The following SLC35F1 variants were observed in gnomAD, a reference collection of about 807,000 sequenced individuals.
SLC35F1 encodes chromosome 6 open reading frame 169.
Under a neutral mutation model 48.7 loss-of-function variants are expected in SLC35F1, and 14 were observed. The ratio of observed to expected loss-of-function variants is 0.29; its 90% confidence interval spans 0.19 to 0.45. SLC35F1 has a LOEUF of 0.45. SLC35F1 is among the 20% of genes least tolerant of loss of function. SLC35F1 has a pLI of 1.00. For synonymous variants in SLC35F1, 190 were observed against 202.2 expected (o/e 0.94, Z 0.51); for missense variants, 404 against 500.0 (o/e 0.81, Z 1.83).
At chr6:118,289,456 A>G (rs1036111999) in intron 7 of SLC35F1, among the ~76,000 whole-genome samples, 2 of 152,220 alleles carry the variant, frequency 1.3e-5, no homozygotes, top group African/African-American at 4.8e-5. Context: ...CTTTTATTAC[A>G]AAGCAATATA....
intron 5 of SLC35F1, among the ~76,000 whole-genome samples, chr6:118,276,186 A>G (rs889630020): frequency 2.0e-5 from 3 of 152,228 alleles, no homozygotes; most frequent in African/African-American, 7.2e-5. Context: ...TTTTGCAATA[A>G]TTCTACAACT....
chr6:118,090,161 G>A (rs1773052100), intron 1 of SLC35F1, among the ~76,000 whole-genome samples: 1 of 152,166 alleles, frequency 6.6e-6, no homozygotes, highest in African/African-American at 2.4e-5. Flanking sequence ...ACACCTCAAG[G>A]TGGGTTATAA....
intron 1 of SLC35F1, among the ~76,000 whole-genome samples, chr6:117,956,559 G>A (rs151068995): frequency 1.2e-4 from 18 of 152,334 alleles, no homozygotes; most frequent in African/African-American, 4.3e-4. Flanking sequence ...GATAAAACTC[G>A]AGGTTGAAAG....
chr6:118,061,584 G>GTATATATATA (rs1358869588), intron 1 of SLC35F1, among the ~76,000 whole-genome samples: 26 of 87,378 alleles, frequency 3.0e-4, no homozygotes, highest in African/African-American at 9.4e-4. Flanking sequence ...GTGTGTGTGT[G>GTATATATATA]TGTGTGTATA....
intron 1 of SLC35F1, among the ~76,000 whole-genome samples, chr6:118,108,981 A>G (rs1319038578): frequency 6.6e-6 from 1 of 152,154 alleles, no homozygotes; most frequent in Admixed American, 6.5e-5. Context: ...GTAAATTATA[A>G]CAGTTTCTAG....
intron 2 of SLC35F1, among the ~76,000 whole-genome samples, chr6:118,185,335 A>C (rs1206456444): frequency 6.6e-6 from 1 of 152,216 alleles, no homozygotes. Context: ...TTGGGAAAAT[A>C]AAAGCCAGAA....
intron 7 of SLC35F1, among the ~76,000 whole-genome samples, chr6:118,296,461 A>G (rs145823667): frequency 2.0e-4 from 30 of 152,320 alleles, no homozygotes; most frequent in African/African-American, 7.0e-4. Context: ...AATGTGGTCA[A>G]TCTATGCAGG....
At chr6:118,066,776 C>T (rs1582646890) in intron 1 of SLC35F1, among the ~76,000 whole-genome samples, 2 of 140,934 alleles carry the variant, frequency 1.4e-5, no homozygotes, top group African/African-American at 2.6e-5. Context: ...GACAGAGTCT[C>T]GCTCTGTCAC....
intron 2 of SLC35F1, among the ~76,000 whole-genome samples, chr6:118,227,281 C>T (rs1775231131): frequency 6.6e-6 from 1 of 152,142 alleles, no homozygotes; most frequent in Admixed American, 6.5e-5. Flanking sequence ...GAGCAAGAAC[C>T]GGCACATGTA....
chr6:118,199,048 C>A (rs1277581864), intron 2 of SLC35F1, among the ~76,000 whole-genome samples: 1 of 152,150 alleles, frequency 6.6e-6, no homozygotes, highest in Non-Finnish European at 1.5e-5. Flanking sequence ...TACACACACT[C>A]CATTTCTCAC....
intron 1 of SLC35F1, among the ~76,000 whole-genome samples, chr6:118,118,581 C>A (rs1347154263): frequency 6.6e-6 from 1 of 152,154 alleles, no homozygotes; most frequent in Non-Finnish European, 1.5e-5. Context: ...TTTTCACATG[C>A]TTCATGCCCA....
intron 3 of SLC35F1, among the ~76,000 whole-genome samples, chr6:118,262,365 G>A (rs1775723652): frequency 6.6e-6 from 1 of 152,100 alleles, no homozygotes; most frequent in Admixed American, 6.6e-5. Context: ...AAGGCACAGT[G>A]ATAAGATGGT....
At chr6:118,309,673 G>A (rs1227831725) in intron 7 of SLC35F1, among the ~76,000 whole-genome samples, 1 of 152,146 alleles carries the variant, frequency 6.6e-6, no homozygotes, top group Non-Finnish European at 1.5e-5. Context: ...TACTTGTATA[G>A]ATTTAAGTCC....
intron 2 of SLC35F1, among the ~76,000 whole-genome samples, chr6:118,230,149 G>A (rs1478726145): frequency 6.6e-6 from 1 of 152,074 alleles, no homozygotes; most frequent in African/African-American, 2.4e-5. Flanking sequence ...AGACTATCCT[G>A]GCCAACATGG....
At chr6:118,158,307 T>C (rs1774175280) in intron 2 of SLC35F1, among the ~76,000 whole-genome samples, 1 of 152,230 alleles carries the variant, frequency 6.6e-6, no homozygotes, top group Non-Finnish European at 1.5e-5. Flanking sequence ...TTCAGTACTA[T>C]GTTCTGGAGA....
chr6:118,132,372 G>A (rs1189691721), intron 1 of SLC35F1, among the ~76,000 whole-genome samples: 4 of 152,170 alleles, frequency 2.6e-5, no homozygotes, highest in South Asian at 4.1e-4. Flanking sequence ...GTGGCTGCAT[G>A]GTTTCTTGTC....
At chr6:118,222,212 C>G (rs1335180257) in intron 2 of SLC35F1, among the ~76,000 whole-genome samples, 9 of 152,168 alleles carry the variant, frequency 5.9e-5, no homozygotes, top group African/African-American at 1.9e-4. Flanking sequence ...TTAAAAAGCT[C>G]TCAGTCTATC....
chr6:118,228,769 C>T (rs1775251439), intron 2 of SLC35F1, among the ~76,000 whole-genome samples: 1 of 152,174 alleles, frequency 6.6e-6, no homozygotes, highest in African/African-American at 2.4e-5. Context: ...TAAGGCATCA[C>T]ACTGTGAGCC....
chr6:118,131,981 C>T (rs778293985), intron 1 of SLC35F1, among the ~76,000 whole-genome samples: 2 of 151,936 alleles, frequency 1.3e-5, no homozygotes, highest in Non-Finnish European at 1.5e-5. Flanking sequence ...CTGTAAACTC[C>T]CCAAGTGTCA....
Sources: gnomAD v4.1 joint callset for allele counts (sites outside exome capture counted in the v4.1 genomes callset) on GRCh38, gnomAD v4.1.1 for gene constraint, MANE v1.5 for transcripts, NCBI Gene and HGNC (gene_info 2026-07-23, HGNC 2026-07-21) for gene names.